The following SRPK1 variants were observed in gnomAD, a reference collection of about 807,000 sequenced individuals.
The protein encoded by SRPK1 is SRSF protein kinase 1.
Under a neutral mutation model 89.5 loss-of-function variants are expected in SRPK1, and 52 were observed. That is an observed-to-expected ratio of 0.58 (90% CI 0.46 to 0.73). The LOEUF (loss-of-function observed/expected upper bound fraction) is 0.73. SRPK1 is among the 30% of genes least tolerant of loss of function. SRPK1 has a pLI of 0.00. For missense variants in SRPK1, 603 were observed against 780.6 expected (o/e 0.77, Z 2.71); for synonymous variants, 255 against 270.2 (o/e 0.94, Z 0.55).
chr6:35,899,674 A>G (rs1770701261), intron 2 of SRPK1, among the ~76,000 whole-genome samples: 1 of 152,202 alleles, frequency 6.6e-6, no homozygotes, highest in Non-Finnish European at 1.5e-5. Flanking sequence ...AAGTGCAGCC[A>G]TTAGAGTGGC....
chr6:35,869,887 T>C lies in SRPK1; in HGVS notation c.1006A>G (p.Ile336Val), dbSNP rs745845504. The change falls in exon 11 of 16, where the codon ATT becomes GTT. Residue 336 changes from isoleucine (I) to valine (V), a missense_variant. By Grantham distance (29) the Ile-to-Val change is conservative. Coordinates refer to ENST00000373825, the MANE Select transcript of SRPK1 (RefSeq NM_003137.5). ...TCCATAAGCGTTTGATCCTGGCCAATGGTACTTGACTCTTCTAAGGAACAA... is the reference window on the plus strand; with the variant it reads ...TCCATAAGCGTTTGATCCTGGCCAACGGTACTTGACTCTTCTAAGGAACAA... ...TQEKLEESSTIGQDQTLMERD... is the reference protein window; with the variant it reads ...TQEKLEESSTVGQDQTLMERD... 72 of 1,572,706 alleles carry C rather than the reference T, an allele frequency of 4.6e-5. No individual in the cohort carries two copies. The highest frequency in any genetic ancestry group is 5.9e-5 in the Non-Finnish European group (69 of 1,161,448).
intron 13 of SRPK1, 41 bp downstream of exon 13, chr6:35,857,220 G>T: frequency 7.0e-7 from 1 of 1,433,802 alleles, no homozygotes; most frequent in Non-Finnish European, 9.7e-7. Context: ...GGCAAGATAT[G>T]TACCACTTAA....
chr6:35,882,818 T>C (rs1335258579), intron 6 of SRPK1, among the ~76,000 whole-genome samples: 1 of 151,850 alleles, frequency 6.6e-6, no homozygotes, highest in Admixed American at 6.6e-5. Flanking sequence ...AAAAAAAATT[T>C]CCCCACCCGA....
chr6:35,915,068 T>C (rs947885267), intron 2 of SRPK1, among the ~76,000 whole-genome samples: 1 of 152,062 alleles, frequency 6.6e-6, no homozygotes, highest in African/African-American at 2.4e-5. Context: ...AGTGCCAGGA[T>C]TACAGGCTTG....
chr6:35,842,726 T>TAAAA, intron 13 of SRPK1, 122 bp from the exon 14 acceptor site: 4 of 382,244 alleles, frequency 1.0e-5, no homozygotes, highest in Admixed American at 4.7e-5. Context: ...ATAGATCATT[T>TAAAA]AAAAAAAAAA....
chr6:35,839,213 T>TG (rs376137582), intron 14 of SRPK1, among the ~76,000 whole-genome samples: 10 of 152,342 alleles, frequency 6.6e-5, no homozygotes, highest in African/African-American at 2.2e-4. Flanking sequence ...GATGAGGTCT[T>TG]GGCATACTGC....
chr6:35,855,989 A>AGTTGGTAT (rs71540126), intron 13 of SRPK1, among the ~76,000 whole-genome samples: 31,070 of 152,000 alleles, frequency 0.2, 3,419 homozygotes, highest in Middle Eastern at 0.29. Context: ...GGCCTCCCAA[A>AGTTGGTAT]GTGCTGGGAT....
rs138504486 is a variant in SRPK1 at position 35,885,298 on chromosome 6, C to CAGAGAG, written c.478+1420_478+1425dup. Among the ~76,000 whole-genome samples, 218 of 113,174 alleles carry CAGAGAG rather than the reference C, an allele frequency of 1.9e-3. 1 individual carries two copies. Among genetic ancestry groups the CAGAGAG allele is most frequent in the East Asian group, 7.0e-3 (24 of 3,416 alleles). 74.2% of individuals were successfully genotyped at this position (113,174 alleles called of 152,430 possible). On this transcript the variant is annotated intron_variant, in intron 6 of 15. Coordinates refer to ENST00000373825, the MANE Select transcript of SRPK1 (RefSeq NM_003137.5). ...ACACACACACACACACACACACACA[C>CAGAGAG]AGAGAGAGAGAGAGAGAGAGAGAGA...
chr6:35,869,185 A>T, intron 11 of SRPK1, 75 bp from the exon 12 acceptor site: 2 of 1,265,840 alleles, frequency 1.6e-6, no homozygotes, highest in Non-Finnish European at 2.2e-6. Flanking sequence ...AAGCTCTCCA[A>T]GGTAAGAGTA....
chr6:35,911,192 C>G (rs545126282), intron 2 of SRPK1, among the ~76,000 whole-genome samples: 49 of 152,284 alleles, frequency 3.2e-4, no homozygotes, highest in African/African-American at 1.1e-3. Flanking sequence ...CCATTAAGAA[C>G]AGTCATGGGG....
intron 6 of SRPK1, among the ~76,000 whole-genome samples, chr6:35,876,850 T>C (rs768721892): frequency 1.2e-4 from 19 of 152,314 alleles, no homozygotes; most frequent in South Asian, 4.1e-4. Context: ...CCCCATCTTA[T>C]TGCCTTGAGG....
intron 2 of SRPK1, among the ~76,000 whole-genome samples, chr6:35,904,630 C>T (rs1321065049): frequency 1.3e-5 from 2 of 151,762 alleles, no homozygotes; most frequent in Non-Finnish European, 2.9e-5. Flanking sequence ...GAAACCCCGT[C>T]TCTACTAAAA....
intron 2 of SRPK1, among the ~76,000 whole-genome samples, chr6:35,915,447 TTTGACAAAATG>T (rs1771068857): frequency 6.7e-6 from 1 of 149,900 alleles, no homozygotes; most frequent in Non-Finnish European, 1.5e-5. Flanking sequence ...TGGACAAAAT[TTTGACAAAATG>T]AACTAAAAAT....
Position 35,920,534 on chromosome 6 carries a change from GGA to G in SRPK1, c.14-8_14-7del. 1 of 1,612,962 alleles carries G rather than the reference GGA, an allele frequency of 6.2e-7. No homozygotes were observed. Among genetic ancestry groups the G allele is most frequent in the Non-Finnish European group, 8.5e-7 (1 of 1,179,298 alleles). Reference sequence around the variant, plus strand: ...TCGGGCCTGGAGCGCAAGCACTGCAGGAGAGAGGGATGGATGAAGGGCGAATG... The same window carrying G: ...TCGGGCCTGGAGCGCAAGCACTGCAGGAGAGGGATGGATGAAGGGCGAATG... On this transcript the variant is annotated splice_polypyrimidine_tract_variant and splice_region_variant and intron_variant, in intron 1 of 15. Coordinates refer to ENST00000373825, the MANE Select transcript of SRPK1 (RefSeq NM_003137.5).
At chr6:35,866,089 T>C (rs1769896043) in intron 12 of SRPK1, among the ~76,000 whole-genome samples, 1 of 150,358 alleles carries the variant, frequency 6.7e-6, no homozygotes, top group Non-Finnish European at 1.5e-5. Context: ...AGAAGACAAA[T>C]GGCCAACAAA....
chr6:35,914,378 A>G (rs1300864568), intron 2 of SRPK1, among the ~76,000 whole-genome samples: 1 of 152,238 alleles, frequency 6.6e-6, no homozygotes, highest in Non-Finnish European at 1.5e-5. Flanking sequence ...GGTATTTTAT[A>G]GATTACCAGA....
chr6:35,860,173 CAG>C (rs1266096710), intron 12 of SRPK1, among the ~76,000 whole-genome samples: 1 of 152,054 alleles, frequency 6.6e-6, no homozygotes, highest in Admixed American at 6.6e-5. Flanking sequence ...ATTTTAAATG[CAG>C]AGACACTGCT....
At chr6:35,903,657 G>A (rs527764637) in intron 2 of SRPK1, among the ~76,000 whole-genome samples, 9 of 152,264 alleles carry the variant, frequency 5.9e-5, no homozygotes, top group African/African-American at 1.7e-4. Context: ...CAAGTACCAA[G>A]CTTCATACCA....
At chr6:35,898,616 CA>C (rs1479659125) in intron 2 of SRPK1, among the ~76,000 whole-genome samples, 3 of 152,148 alleles carry the variant, frequency 2.0e-5, no homozygotes, top group Non-Finnish European at 1.5e-5. Flanking sequence ...TCTGTAATCT[CA>C]GCTACTTGGG....
Sources: gnomAD v4.1 joint callset for allele counts (sites outside exome capture counted in the v4.1 genomes callset) on GRCh38, gnomAD v4.1.1 for gene constraint, MANE v1.5 for transcripts, NCBI Gene and HGNC (gene_info 2026-07-23, HGNC 2026-07-21) for gene names.